Variants in COL15A1 observed in about 807,000 individuals in gnomAD.
COL15A1 encodes the protein collagen type XV alpha 1 chain, also known as collagen alpha-1(XV) chain.
In COL15A1, 111 loss-of-function variants were observed where a neutral mutation model predicts 165.9. That is an observed-to-expected ratio of 0.67 (90% CI 0.57 to 0.78). The LOEUF is 0.78. COL15A1 is among the 30% of genes least tolerant of loss of function. The pLI is 0.00. For missense variants in COL15A1, 1,745 were observed against 1,789.7 expected (o/e 0.98, Z 0.45); for synonymous variants, 659 against 674.8 (o/e 0.98, Z 0.36).
At chr9:98,974,532 G>C (rs1032972257) in intron 2 of COL15A1, among the ~76,000 whole-genome samples, 2 of 152,204 alleles carry the variant, frequency 1.3e-5, no homozygotes, top group African/African-American at 2.4e-5. Flanking sequence ...TGGCTTCTCC[G>C]ACGGTCTGCC....
Position 98,989,270 on chromosome 9 carries a change from G to T in COL15A1, c.804+12G>T. On this transcript the variant is annotated intron_variant, in intron 5 of 41. Transcript: ENST00000375001. ...ACACTCAAGCCTCGGTGAGTACTGGGATGCTGTGCCATGTGATCTTGCTCA... is the reference window on the plus strand; with the variant it reads ...ACACTCAAGCCTCGGTGAGTACTGGTATGCTGTGCCATGTGATCTTGCTCA... 6.2e-7 allele frequency: 1 copy of T among 1,603,838 alleles called. No individual in the cohort carries two copies. Among genetic ancestry groups the T allele is most frequent in the Non-Finnish European group, 8.5e-7 (1 of 1,171,468 alleles).
chr9:98,959,479 C>T (rs1837833493), intron 2 of COL15A1, among the ~76,000 whole-genome samples: 2 of 152,094 alleles, frequency 1.3e-5, no homozygotes, highest in Admixed American at 1.3e-4. Flanking sequence ...CAGACATAAA[C>T]TGAGCTGCAT....
intron 40 of COL15A1, among the ~76,000 whole-genome samples, chr9:99,067,753 C>T (rs575972439): frequency 2.0e-5 from 3 of 152,272 alleles, no homozygotes; most frequent in African/African-American, 7.2e-5. Context: ...CAGCACTTTC[C>T]ACCTCCTCTC....
chr9:99,034,882 T>G, intron 17 of COL15A1, 132 bp from the exon 18 acceptor site: 1 of 904,918 alleles, frequency 1.1e-6, no homozygotes, highest in Non-Finnish European at 1.8e-6. Flanking sequence ...TTCTGTACCA[T>G]TAAGTGGTAC....
At position 98,944,144 on chromosome 9, in the gene COL15A1, C is replaced by T. The variant is rs752346135; in HGVS notation, c.12-18C>T. 1.2e-6 allele frequency: 2 copies of T among 1,614,040 alleles called. No individual in the cohort carries two copies. The highest frequency in any genetic ancestry group is 1.1e-5 in the South Asian group (1 of 91,088). On this transcript the variant is annotated intron_variant, in intron 1 of 41. Coordinates refer to ENST00000375001, the MANE Select transcript of COL15A1 (RefSeq NM_001855.5). Reference sequence around the variant, plus strand: ...CTCTTGCCCGCCTCACCTTTTCTCCCTCGGGCACATCTTGCAGGAGGAACA... The same window carrying T: ...CTCTTGCCCGCCTCACCTTTTCTCCTTCGGGCACATCTTGCAGGAGGAACA...
At chr9:99,051,915 G>C (rs1338982306) in intron 30 of COL15A1, among the ~76,000 whole-genome samples, 5 of 152,180 alleles carry the variant, frequency 3.3e-5, no homozygotes, top group Non-Finnish European at 5.9e-5. Context: ...AACCCCCTTT[G>C]CTAATTACCT....
intron 11 of COL15A1, among the ~76,000 whole-genome samples, chr9:99,019,933 G>GGTTTTTTGTTCTC (rs1236128615): frequency 1.3e-5 from 2 of 152,166 alleles, no homozygotes; most frequent in Non-Finnish European, 2.9e-5. Context: ...TTTCTGCACT[G>GGTTTTTTGTTCTC]TTTACAACCA....
At chr9:98,992,626 G>C (rs1322388144) in intron 5 of COL15A1, among the ~76,000 whole-genome samples, 1 of 152,280 alleles carries the variant, frequency 6.6e-6, no homozygotes, top group Non-Finnish European at 1.5e-5. Flanking sequence ...GGCACTGAGG[G>C]CGAGCGAGGG....
intron 14 of COL15A1, 83 bp from the exon 15 acceptor site, chr9:99,024,791 A>G: frequency 6.7e-7 from 1 of 1,485,734 alleles, no homozygotes; most frequent in Non-Finnish European, 9.1e-7. Flanking sequence ...TGTTGAAAGA[A>G]TTTGAGAGAT....
chr9:99,054,539 T>C, intron 31 of COL15A1, 37 bp from the exon 32 acceptor site: 1 of 1,571,712 alleles, frequency 6.4e-7, no homozygotes, highest in Non-Finnish European at 8.6e-7. Context: ...GAAGGTGATT[T>C]TCCATTTTTT....
At chr9:99,008,183 G>C (rs1838794286) in intron 9 of COL15A1, among the ~76,000 whole-genome samples, 1 of 151,936 alleles carries the variant, frequency 6.6e-6, no homozygotes, top group Admixed American at 6.6e-5. Flanking sequence ...TGACTTTAAG[G>C]CCTTAAGGAC....
intron 9 of COL15A1, among the ~76,000 whole-genome samples, chr9:99,014,260 G>T (rs1481182874): frequency 1.3e-5 from 2 of 152,162 alleles, no homozygotes; most frequent in Admixed American, 1.3e-4. Flanking sequence ...GCAGAAGATT[G>T]CTCTCTACCA....
intron 34 of COL15A1, among the ~76,000 whole-genome samples, chr9:99,055,634 G>T (rs1312197231): frequency 6.6e-6 from 1 of 152,216 alleles, no homozygotes; most frequent in Non-Finnish European, 1.5e-5. Flanking sequence ...GACATTGGTG[G>T]AAAATTCACT....
chr9:99,000,377 T>C (rs1041474220), intron 6 of COL15A1, among the ~76,000 whole-genome samples: 7 of 152,052 alleles, frequency 4.6e-5, no homozygotes, highest in African/African-American at 1.7e-4. Flanking sequence ...CATTATTACA[T>C]AACATGAATA....
intron 2 of COL15A1, among the ~76,000 whole-genome samples, chr9:98,983,191 G>C (rs578252293): frequency 5.6e-4 from 86 of 152,278 alleles, no homozygotes; most frequent in Non-Finnish European, 9.3e-4. Flanking sequence ...CCTTCTCTGT[G>C]AGTGTTGCGG....
chr9:98,971,225 G>T (rs1018983168), intron 2 of COL15A1, among the ~76,000 whole-genome samples: 1 of 152,182 alleles, frequency 6.6e-6, no homozygotes, highest in Non-Finnish European at 1.5e-5. Flanking sequence ...GGGCTGTAGA[G>T]CATCCATGTC....
At position 99,027,515 on chromosome 9, in the gene COL15A1, C is replaced by T. The variant is rs1413207185; in HGVS notation, c.2043+1549C>T. Among the ~76,000 whole-genome samples, 3 of 152,308 alleles carry T rather than the reference C, an allele frequency of 2.0e-5. No homozygotes were observed. The East Asian group carries it at 5.8e-4, about 29-fold the overall frequency. ...GCAGGAAGCACCACAGACCTACACT[C>T]TTCTTACCTGTTCTTCTTCCAGGCT... On this transcript the variant is annotated intron_variant, in intron 16 of 41. Transcript: ENST00000375001.
intron 40 of COL15A1, 34 bp from the exon 41 acceptor site, chr9:99,068,521 A>G (rs901312200): frequency 3.5e-6 from 3 of 847,432 alleles, no homozygotes; most frequent in Non-Finnish European, 5.3e-6. Context: ...GGCTGATGGT[A>G]TAATGATTCT....
At position 99,025,002 on chromosome 9, in the gene COL15A1, G is replaced by T. The variant is rs1564065327; in HGVS notation, c.1980+3G>T. The T allele has an allele frequency of 6.2e-7, 1 of 1,612,688 alleles. No homozygotes were observed. The highest frequency in any genetic ancestry group is 2.2e-5 in the East Asian group (1 of 44,854). The stretch of plus-strand genomic sequence containing the variant: ...CTGCTGGTGAACCTGGGCCCCCGGT[G>T]AGCAACTGAAGTCTTCTCCCCATCT... On this transcript the variant is annotated splice_donor_region_variant and intron_variant, in intron 15 of 41. Transcript: ENST00000375001.
Sources: allele counts gnomAD v4.1 joint callset (sites outside exome capture counted in the v4.1 genomes callset), GRCh38; gene constraint gnomAD v4.1.1; transcripts MANE v1.5; gene names NCBI Gene and HGNC (gene_info 2026-07-23, HGNC 2026-07-21).